SLTM: variants seen among roughly 807,000 people sequenced by gnomAD.
SLTM encodes SAFB-like transcription modulator.
A neutral mutation model predicts 134.6 loss-of-function variants in SLTM; 43 were observed. That is an observed-to-expected ratio of 0.32 (90% CI 0.25 to 0.41). The LOEUF is 0.41. Ranked by LOEUF, SLTM falls within the 10% of genes least tolerant of loss-of-function variation. The pLI is 1.00. For missense variants in SLTM, 1,055 were observed against 1,288.8 expected (o/e 0.82, Z 2.78); for synonymous variants, 424 against 432.3 (o/e 0.98, Z 0.24).
In SLTM at chr15:58,887,221, G is replaced by A. The variant is rs1408671945; in HGVS notation, c.2690+5C>T. ...CTAGGAAAGCATTACATAGTACACA[G>A]CTACCTTGTTTCCCGTTTGTCAGTG... On this transcript the variant is annotated splice_donor_5th_base_variant and intron_variant, in intron 18 of 20. Coordinates refer to ENST00000380516, the MANE Select transcript of SLTM (RefSeq NM_024755.4). 6.2e-7 allele frequency: 1 copy of A among 1,613,386 alleles called. No individual in the cohort carries two copies. Among genetic ancestry groups the A allele is most frequent in the African/African-American group, 1.3e-5 (1 of 74,876 alleles).
At chr15:58,930,279 CTAT>C (rs543985365) in intron 2 of SLTM, among the ~76,000 whole-genome samples, 3 of 76,634 alleles carry the variant, frequency 3.9e-5, no homozygotes, top group Non-Finnish European at 7.8e-5. Flanking sequence ...CCATGCCCAG[CTAT>C]TTTTTTTTTT....
chr15:58,883,900 C>T (rs1204105243), intron 19 of SLTM, 114 bp from the exon 20 acceptor site: 1 of 1,150,040 alleles, frequency 8.7e-7, no homozygotes, highest in Non-Finnish European at 1.2e-6. Flanking sequence ...GAGTTCGAGA[C>T]CAGCCTGGCT....
At chr15:58,883,486 A>T in intron 20 of SLTM, 140 bp downstream of exon 20, 3 of 1,062,992 alleles carry the variant, frequency 2.8e-6, no homozygotes, top group Non-Finnish European at 4.2e-6. Context: ...TTTGGAGACT[A>T]CGGGTTGATA....
In SLTM at chr15:58,898,815, T is replaced by C; in HGVS notation, c.1096A>G (p.Lys366Glu). 6.2e-7 allele frequency: 1 copy of C among 1,607,518 alleles called. No individual in the cohort carries two copies. The highest frequency in any genetic ancestry group is 8.5e-7 in the Non-Finnish European group (1 of 1,176,918). Residue 366 changes from lysine to glutamate, a missense_variant, in exon 8 of 21, where the codon AAA (lysine) becomes GAA (glutamate). Transcript: ENST00000380516. ...KESKDSKTSSKDDKGSTSSTS... is the reference protein window; with the variant it reads ...KESKDSKTSSEDDKGSTSSTS... ...AAAAATTCTTTACCTTTGTCATCTTTAGATGATGTCTTGCTGTCTTTAGAT... is the reference window on the plus strand; with the variant it reads ...AAAAATTCTTTACCTTTGTCATCTTCAGATGATGTCTTGCTGTCTTTAGAT...
chr15:58,886,882 G>C, intron 19 of SLTM, 93 bp downstream of exon 19: 1 of 1,462,894 alleles, frequency 6.8e-7, no homozygotes, highest in South Asian at 1.2e-5. Flanking sequence ...GCTAATCTAA[G>C]CCACATCAAA....
chr15:58,899,903 T>C lies in SLTM; in HGVS notation c.624A>G (p.Val208=), dbSNP rs992529560. The C allele has an allele frequency of 6.2e-7, 1 of 1,613,750 alleles. No individual in the cohort carries two copies. The highest frequency in any genetic ancestry group is 8.5e-7 in the Non-Finnish European group (1 of 1,179,832). Reference sequence around the variant, plus strand: ...TCCCTTCTGAAGGAAGAGGTTTAGATACTTCTTGTGTACCATCACCAGAAC... The same window carrying C: ...TCCCTTCTGAAGGAAGAGGTTTAGACACTTCTTGTGTACCATCACCAGAAC... ...IAGSGDGTQE[V]SKPLPSEGSL... is the part of the protein sequence containing the mutation. Residue 208 remains valine (V), a synonymous_variant, in exon 7 of 21, where the codon GTA becomes GTG. Coordinates refer to ENST00000380516, the MANE Select transcript of SLTM (RefSeq NM_024755.4). The surrounding 1 kb of genome is among the most constrained non-coding windows in gnomAD (Gnocchi z 5.0).
chr15:58,889,364 T>C lies in SLTM; in HGVS notation c.2204+66A>G, dbSNP rs1178132654. The C allele has an allele frequency of 1.9e-6, 3 of 1,589,596 alleles. No individual in the cohort carries two copies. In the African/African-American group the frequency reaches 4.1e-5, roughly 21 times the overall value. ...GATGGGAGCCTGTACTTTCTAATTCTCTAGTCTTAGCCTAAAGGGAATAAA... is the reference window on the plus strand; with the variant it reads ...GATGGGAGCCTGTACTTTCTAATTCCCTAGTCTTAGCCTAAAGGGAATAAA... On this transcript the variant is annotated intron_variant, in intron 16 of 20. Coordinates refer to ENST00000380516, the MANE Select transcript of SLTM (RefSeq NM_024755.4).
intron 3 of SLTM, among the ~76,000 whole-genome samples, chr15:58,916,172 C>A (rs1159606518): frequency 1.0e-5 from 1 of 98,656 alleles, no homozygotes; most frequent in African/African-American, 2.9e-5. Context: ...TGATCTCTCT[C>A]TCTCTCTTTT....
rs148218339 is a variant in SLTM at position 58,928,138 on chromosome 15, T to A, written c.250+4218A>T. Among the ~76,000 whole-genome samples, 30 of 152,344 alleles carry A rather than the reference T, an allele frequency of 2.0e-4. No individual in the cohort carries two copies. The East Asian group carries it at 5.8e-3, about 29-fold the overall frequency. On this transcript the variant is annotated intron_variant, in intron 2 of 20. Transcript: ENST00000380516. Reference sequence around the variant, plus strand: ...AAATTAGTTTTAATGTCGGTAAGTATTGCATTACATATAGTTCTAAATACT... The same window carrying A: ...AAATTAGTTTTAATGTCGGTAAGTAATGCATTACATATAGTTCTAAATACT...
intron 5 of SLTM, among the ~76,000 whole-genome samples, chr15:58,902,758 C>G (rs567952323): frequency 4.6e-5 from 7 of 150,852 alleles, no homozygotes; most frequent in African/African-American, 1.7e-4. Flanking sequence ...GAGTTTTGCT[C>G]TGTCCACCAG....
At chr15:58,930,278 GCTA>G (rs1304301583) in intron 2 of SLTM, among the ~76,000 whole-genome samples, 8 of 96,900 alleles carry the variant, frequency 8.3e-5, no homozygotes, top group Non-Finnish European at 1.6e-4. Flanking sequence ...ACCATGCCCA[GCTA>G]TTTTTTTTTT....
At chr15:58,929,036 G>C (rs2037678474) in intron 2 of SLTM, among the ~76,000 whole-genome samples, 1 of 152,118 alleles carries the variant, frequency 6.6e-6, no homozygotes, top group African/African-American at 2.4e-5. Context: ...AAAATTTCCA[G>C]TTTTACAAAA....
intron 20 of SLTM, among the ~76,000 whole-genome samples, chr15:58,881,909 A>G (rs567676205): frequency 6.6e-6 from 1 of 150,780 alleles, no homozygotes; most frequent in Non-Finnish European, 1.5e-5. Context: ...AGAAACATTT[A>G]AAAAAAAATA....
chr15:58,880,657 C>G (rs557658755), intron 20 of SLTM, among the ~76,000 whole-genome samples: 330 of 152,294 alleles, frequency 2.2e-3, no homozygotes, highest in African/African-American at 7.6e-3. Flanking sequence ...ACTTCCTGGG[C>G]TCAGGTGATT....
intron 2 of SLTM, among the ~76,000 whole-genome samples, chr15:58,929,672 C>T (rs1451969855): frequency 6.6e-6 from 1 of 152,106 alleles, no homozygotes; most frequent in African/African-American, 2.4e-5. Context: ...GCGATCCTCC[C>T]ACCTTGGCCT....
chr15:58,883,745 C>G lies in SLTM; in HGVS notation c.2877G>C (p.Arg959=), dbSNP rs1237705434. ...ACTCTTTCCTTGGTCCGCTTGTGTCCCGTCCATGGCGTTCAACCACATGTC... is the reference window on the plus strand; with the variant it reads ...ACTCTTTCCTTGGTCCGCTTGTGTCGCGTCCATGGCGTTCAACCACATGTC... The part of the protein sequence containing the change: ...EERHVVERHG[R]DTSGPRKEWH... Residue 959 remains arginine (R), a synonymous_variant, in exon 20 of 21, where the codon CGG becomes CGC. Transcript: ENST00000380516. 6.2e-7 allele frequency: 1 copy of G among 1,614,030 alleles called. No homozygotes were observed. Among genetic ancestry groups the G allele is most frequent in the Non-Finnish European group, 8.5e-7 (1 of 1,180,020 alleles).
At chr15:58,924,664 G>A (rs1304867316) in intron 2 of SLTM, among the ~76,000 whole-genome samples, 1 of 152,120 alleles carries the variant, frequency 6.6e-6, no homozygotes, top group Non-Finnish European at 1.5e-5. Flanking sequence ...TGAGGATTTT[G>A]GATGATAAAT....
At chr15:58,925,448 C>T (rs1348137151) in intron 2 of SLTM, among the ~76,000 whole-genome samples, 2 of 152,182 alleles carry the variant, frequency 1.3e-5, no homozygotes, top group Non-Finnish European at 2.9e-5. Flanking sequence ...AGTGACTCTC[C>T]TGCCTCAGCC....
intron 18 of SLTM, 47 bp from the exon 19 acceptor site, chr15:58,887,166 A>C: frequency 6.2e-7 from 1 of 1,612,366 alleles, no homozygotes; most frequent in Non-Finnish European, 8.5e-7. Context: ...CTGTAATCTT[A>C]ACTTTTTTTA....
Sources: allele counts gnomAD v4.1 joint callset (sites outside exome capture counted in the v4.1 genomes callset), GRCh38; gene constraint gnomAD v4.1.1; non-coding constraint Gnocchi (gnomAD v3.1); transcripts MANE v1.5; gene names NCBI Gene and HGNC (gene_info 2026-07-23, HGNC 2026-07-21).